The following ACER1 variants were observed in gnomAD, a reference collection of about 807,000 sequenced individuals.
The protein encoded by ACER1 is alkaline ceramidase 1.
Under a neutral mutation model 24.9 loss-of-function variants are expected in ACER1, and 28 were observed. The observed-to-expected ratio is 1.13, with a 90% CI of 0.83 to 1.54. The LOEUF (loss-of-function observed/expected upper bound fraction) is 1.54. ACER1 is among the 40% of genes most tolerant of loss of function. ACER1 has a pLI of 0.00. For synonymous variants in ACER1, 132 were observed against 131.4 expected, an observed-to-expected ratio of 1.00 and a Z score of -0.03; for missense variants, 352 against 349.3, an observed-to-expected ratio of 1.01 and a Z score of -0.06.
chr19:6,309,693 T>C lies in ACER1; in HGVS notation c.488+4A>G. 1 of 1,613,706 alleles carries C rather than the reference T, an allele frequency of 6.2e-7. No individual in the cohort carries two copies. Among genetic ancestry groups the C allele is most frequent in the Non-Finnish European group, 8.5e-7 (1 of 1,179,868 alleles). On this transcript the variant is annotated splice_donor_region_variant and intron_variant, in intron 4 of 5. Transcript: ENST00000301452. ...CTGCCCAGGCACCTGCAGCCTTCACTCACTTCCTGTACTCCTGGCACACGA... is the reference window on the plus strand; with the variant it reads ...CTGCCCAGGCACCTGCAGCCTTCACCCACTTCCTGTACTCCTGGCACACGA...
intron 1 of ACER1, 89 bp from the exon 2 acceptor site, chr19:6,312,588 G>T: frequency 1.0e-6 from 1 of 984,846 alleles, no homozygotes; most frequent in Admixed American, 1.9e-5. Flanking sequence ...TCACCAGCCA[G>T]TCGGTTACCT....
chr19:6,358,391 C>T, the ACER1 span, among the ~76,000 whole-genome samples: 1 of 152,170 alleles, frequency 6.6e-6, no homozygotes, highest in Non-Finnish European at 1.5e-5. Flanking sequence ...TTCTACAAAA[C>T]TGGGAGTGTC....
intron 1 of ACER1, among the ~76,000 whole-genome samples, chr19:6,318,552 C>T (rs1178516687): frequency 2.0e-5 from 3 of 146,612 alleles, no homozygotes; most frequent in South Asian, 2.2e-4. Context: ...CTCAGGCAGG[C>T]GGATCATGAG....
chr19:6,321,887 C>G (rs932001285), intron 1 of ACER1, among the ~76,000 whole-genome samples: 9 of 151,892 alleles, frequency 5.9e-5, no homozygotes, highest in Non-Finnish European at 1.2e-4. Flanking sequence ...ACTGGGATGA[C>G]AGGTATGAGC....
the ACER1 span, among the ~76,000 whole-genome samples, chr19:6,339,616 T>C: frequency 6.6e-6 from 1 of 152,136 alleles, no homozygotes; most frequent in South Asian, 2.1e-4. Context: ...ATCAGTTTCG[T>C]GTTATGTATC....
At chr19:6,312,554 G>A (rs1483378468) in intron 1 of ACER1, 55 bp from the exon 2 acceptor site, 2 of 1,398,830 alleles carry the variant, frequency 1.4e-6, no homozygotes, top group East Asian at 2.3e-5. Context: ...GACGGAGGAG[G>A]CTGCCCTCTG....
At chr19:6,318,114 G>A (rs2091612656) in intron 1 of ACER1, among the ~76,000 whole-genome samples, 1 of 151,824 alleles carries the variant, frequency 6.6e-6, no homozygotes, top group African/African-American at 2.4e-5. Flanking sequence ...GAGGTCAGGA[G>A]ATCGAGACCA....
At chr19:6,340,188 C>T in the ACER1 span, among the ~76,000 whole-genome samples, 6 of 151,494 alleles carry the variant, frequency 4.0e-5, no homozygotes, top group East Asian at 2.0e-4. Context: ...GGCTGAGGTA[C>T]GAGAATCACT....
At chr19:6,332,205 G>C (rs1161985951) in intron 1 of ACER1, among the ~76,000 whole-genome samples, 1 of 150,402 alleles carries the variant, frequency 6.6e-6, no homozygotes, top group African/African-American at 2.4e-5. Flanking sequence ...GACCTCAGGT[G>C]ATCCACTCAC....
At chr19:6,321,140 CTTTT>C (rs879600910) in intron 1 of ACER1, among the ~76,000 whole-genome samples, 1 of 144,108 alleles carries the variant, frequency 6.9e-6, no homozygotes, top group Non-Finnish European at 1.5e-5. Context: ...AATTTTCTTT[CTTTT>C]TTTTTTTTTG....
the ACER1 span, among the ~76,000 whole-genome samples, chr19:6,350,623 G>T: frequency 4.7e-4 from 64 of 136,222 alleles, no homozygotes; most frequent in African/African-American, 1.6e-3. Context: ...GGGAGGGAGG[G>T]AAGGAGGGAG....
rs1248769051 is a variant in ACER1, at chr19:6,307,134, C to A, written c.626+19G>T. 2.5e-6 allele frequency: 4 copies of A among 1,613,562 alleles called. No homozygotes were observed. The East Asian group carries it at 8.9e-5, about 36-fold the overall frequency. The stretch of plus-strand genomic sequence containing the variant: ...TTCTCTGACTCTGGGCCCCCCACAG[C>A]CTCAGAGCATGTGCTTACCAGATGC... On this transcript the variant is annotated intron_variant, in intron 5 of 5. Transcript: ENST00000301452.
chr19:6,356,468 T>TTA, the ACER1 span, among the ~76,000 whole-genome samples: 2,298 of 147,098 alleles, frequency 0.016, 73 homozygotes, highest in African/African-American at 0.055. Context: ...GAATGATCAA[T>TTA]AAAAAAATAA....
the ACER1 span, among the ~76,000 whole-genome samples, chr19:6,349,448 A>AGAAG: frequency 2.3e-5 from 3 of 129,332 alleles, no homozygotes; most frequent in Non-Finnish European, 3.3e-5. Flanking sequence ...AAGGGAGGAA[A>AGAAG]GAAGGAAGGA....
Position 6,312,450 on chromosome 19 carries a change from A to C in ACER1, c.143T>G (p.Met48Arg). The change falls in exon 2 of 6, where the codon ATG (methionine) becomes AGG (arginine). Residue 48 changes from methionine (M) to arginine (R), a missense_variant. By Grantham distance (91) the Met-to-Arg change is moderately conservative. Transcript: ENST00000301452. ...GGAGCGCTTCTGGGCATACGGGTGC[A>C]TCAGGAGCATCATCAGTGGCCCGAA... Reference protein sequence around the residue: ...FIFGPLMMLLMHPYAQKRSRY... With the variant: ...FIFGPLMMLLRHPYAQKRSRY... 6.2e-7 allele frequency: 1 copy of C among 1,614,050 alleles called. No homozygotes were observed. Among genetic ancestry groups the C allele is most frequent in the Non-Finnish European group, 8.5e-7 (1 of 1,180,020 alleles).
intron 1 of ACER1, among the ~76,000 whole-genome samples, chr19:6,330,020 G>A (rs1379960427): frequency 6.6e-5 from 10 of 151,408 alleles, no homozygotes; most frequent in Non-Finnish European, 1.0e-4. Flanking sequence ...ACAGGCGCCC[G>A]CCACCACGCC....
intron 1 of ACER1, among the ~76,000 whole-genome samples, chr19:6,328,900 C>T (rs952396804): frequency 1.8e-4 from 28 of 151,478 alleles, no homozygotes; most frequent in Admixed American, 1.5e-3. Flanking sequence ...GTCTTGAACT[C>T]CTGAGCGCAA....
At chr19:6,359,865 C>A in the ACER1 span, among the ~76,000 whole-genome samples, 1 of 152,126 alleles carries the variant, frequency 6.6e-6, no homozygotes, top group African/African-American at 2.4e-5. Context: ...AAGCCCTCTA[C>A]CTACCTCCTT....
intron 1 of ACER1, 101 bp from the exon 2 acceptor site, chr19:6,312,600 C>A (rs915387961): frequency 5.7e-6 from 5 of 883,320 alleles, no homozygotes; most frequent in Non-Finnish European, 7.4e-6. Flanking sequence ...CGGTTACCTG[C>A]TGCATTTCAG....
Sources: allele counts gnomAD v4.1 joint callset (sites outside exome capture counted in the v4.1 genomes callset), GRCh38; gene constraint gnomAD v4.1.1; transcripts MANE v1.5; gene names NCBI Gene and HGNC (gene_info 2026-07-23, HGNC 2026-07-21).